Variants in SUGCT observed in about 807,000 individuals in gnomAD.
SUGCT encodes the protein succinyl-CoA:glutarate-CoA transferase.
In SUGCT, 41 loss-of-function variants were observed where a neutral mutation model predicts 55.0. The observed-to-expected ratio is 0.74, with a 90% CI of 0.58 to 0.97. SUGCT has a LOEUF of 0.97. SUGCT is among the 50% of genes least tolerant of loss of function. The pLI, the probability that SUGCT is intolerant of heterozygous loss-of-function variation, is 0.00. For synonymous variants in SUGCT, 187 were observed against 200.4 expected (o/e 0.93, Z 0.56); for missense variants, 568 against 547.8 (o/e 1.04, Z -0.37).
chr7:40,754,939 C>T (rs940182085), intron 13 of SUGCT, among the ~76,000 whole-genome samples: 1 of 152,112 alleles, frequency 6.6e-6, no homozygotes, highest in African/African-American at 2.4e-5. Flanking sequence ...GATTCATCAA[C>T]AATGCCAATG....
At chr7:40,843,721 G>C (rs1325583293) in intron 13 of SUGCT, among the ~76,000 whole-genome samples, 2 of 152,052 alleles carry the variant, frequency 1.3e-5, no homozygotes, top group Non-Finnish European at 2.9e-5. Context: ...GTGCAAGAGA[G>C]GAAGGCACAG....
rs2128776251 is a variant in SUGCT at position 40,829,837 on chromosome 7, G to C, written c.1154-30479G>C. On this transcript the variant is annotated intron_variant, in intron 13 of 13. Coordinates refer to ENST00000335693, the MANE Select transcript of SUGCT (RefSeq NM_001193313.2). Reference sequence around the variant, plus strand: ...GGCCTGCACCCTTCCCTAGCTCCAGGGCCTGCATCACATTTCCACACAGAC... The same window carrying C: ...GGCCTGCACCCTTCCCTAGCTCCAGCGCCTGCATCACATTTCCACACAGAC... Among the ~76,000 whole-genome samples the C allele has an allele frequency of 2.0e-5, 3 of 151,922 alleles. No homozygotes were observed. In the South Asian group the frequency reaches 6.3e-4, roughly 32 times the overall value.
intron 12 of SUGCT, among the ~76,000 whole-genome samples, chr7:40,541,518 G>A (rs1222743065): frequency 1.3e-5 from 2 of 152,178 alleles, no homozygotes; most frequent in African/African-American, 4.8e-5. Context: ...TGGGCAGTAA[G>A]CATTATGCAA....
At chr7:41,019,145 A>G in the SUGCT span, among the ~76,000 whole-genome samples, 2 of 152,142 alleles carry the variant, frequency 1.3e-5, no homozygotes, top group African/African-American at 4.8e-5. Context: ...ACCTCAGGTG[A>G]TCCACCTGCC....
rs144811591 is a variant in SUGCT, at chr7:40,419,931, A to G, written c.817-29356A>G. On this transcript the variant is annotated intron_variant, in intron 9 of 13. Coordinates refer to ENST00000335693, the MANE Select transcript of SUGCT (RefSeq NM_001193313.2). ...TTTTGCAGAAGTACTGTGAGGTACC[A>G]TGGATGATATGTAGCTGGCAAGTTA... Among the ~76,000 whole-genome samples, 6 of 152,350 alleles carry G rather than the reference A, an allele frequency of 3.9e-5. No individual in the cohort carries two copies. In the East Asian group the frequency reaches 9.6e-4, roughly 24 times the overall value.
chr7:40,783,687 T>C (rs1789870797), intron 13 of SUGCT: 1 of 152,122 alleles, frequency 6.6e-6, no homozygotes, highest in Admixed American at 6.6e-5. Context: ...TCCCTATGTT[T>C]TATTAAAGGA....
chr7:40,766,829 C>CT (rs1489301692), intron 13 of SUGCT, among the ~76,000 whole-genome samples: 4 of 152,140 alleles, frequency 2.6e-5, no homozygotes, highest in Non-Finnish European at 5.9e-5. Context: ...AAGTCAAATA[C>CT]TTTAAGTGTT....
At chr7:40,657,537 G>A (rs1320143153) in intron 12 of SUGCT, among the ~76,000 whole-genome samples, 6 of 151,836 alleles carry the variant, frequency 4.0e-5, no homozygotes, top group Non-Finnish European at 8.8e-5. Context: ...GTCCTACTCT[G>A]TTGCCCGGGC....
At chr7:40,749,569 A>G in intron 13 of SUGCT, 72 bp downstream of exon 13, 1 of 1,200,158 alleles carries the variant, frequency 8.3e-7, no homozygotes, top group Non-Finnish European at 1.2e-6. Flanking sequence ...TACTACAGGT[A>G]GCTTATGAGC....
At chr7:40,948,467 A>G in the SUGCT span, among the ~76,000 whole-genome samples, 1 of 143,976 alleles carries the variant, frequency 6.9e-6, no homozygotes, top group Non-Finnish European at 1.5e-5. Flanking sequence ...GATGATGATG[A>G]TGATGATGCT....
chr7:40,373,348 A>ATTCTAGAAAATTTAGAATCTATG (rs1407338747), intron 9 of SUGCT, among the ~76,000 whole-genome samples: 3 of 85,658 alleles, frequency 3.5e-5, no homozygotes, highest in African/African-American at 1.0e-4. Flanking sequence ...TAGAATCTAT[A>ATTCTAGAAAATTTAGAATCTATG]GATTCTAGAA....
intron 8 of SUGCT, among the ~76,000 whole-genome samples, chr7:40,307,352 C>G (rs1328321047): frequency 2.0e-5 from 3 of 152,138 alleles, no homozygotes; most frequent in South Asian, 2.1e-4. Context: ...AAAGGATGCT[C>G]AATCACTATT....
chr7:40,613,373 GAC>G (rs145691827), intron 12 of SUGCT, among the ~76,000 whole-genome samples: 2 of 152,280 alleles, frequency 1.3e-5, no homozygotes, highest in African/African-American at 4.8e-5. Context: ...ACTGTGTTTA[GAC>G]AGTTTATTCT....
chr7:40,946,781 G>C, the SUGCT span, among the ~76,000 whole-genome samples: 1 of 151,828 alleles, frequency 6.6e-6, no homozygotes, highest in Non-Finnish European at 1.5e-5. Flanking sequence ...CTGATTTCTG[G>C]TATCCATTTT....
intron 12 of SUGCT, among the ~76,000 whole-genome samples, chr7:40,604,980 C>T (rs191107500): frequency 6.6e-6 from 1 of 152,320 alleles, no homozygotes; most frequent in Admixed American, 6.5e-5. Flanking sequence ...CCTGCCAGCC[C>T]GCTTTGATGG....
intron 12 of SUGCT, among the ~76,000 whole-genome samples, chr7:40,671,366 A>G (rs920282880): frequency 1.2e-4 from 18 of 152,224 alleles, no homozygotes; most frequent in African/African-American, 3.9e-4. Context: ...AAGAGCATCT[A>G]CAAAGTTCTG....
intron 13 of SUGCT, among the ~76,000 whole-genome samples, chr7:40,834,241 G>A (rs1396175488): frequency 6.7e-6 from 1 of 149,078 alleles, no homozygotes; most frequent in Non-Finnish European, 1.5e-5. Context: ...GGTCCAAACT[G>A]TGATGATTCT....
intron 9 of SUGCT, among the ~76,000 whole-genome samples, chr7:40,337,636 G>T (rs923316760): frequency 2.6e-5 from 4 of 152,104 alleles, no homozygotes; most frequent in Non-Finnish European, 4.4e-5. Flanking sequence ...TTGAGTCTAT[G>T]TGTGTCTCTG....
the SUGCT span, among the ~76,000 whole-genome samples, chr7:40,941,539 C>T: frequency 6.6e-6 from 1 of 152,044 alleles, no homozygotes; most frequent in African/African-American, 2.4e-5. Flanking sequence ...AATGTATATT[C>T]TGCAGTTCTT....
Sources: allele counts gnomAD v4.1 joint callset (sites outside exome capture counted in the v4.1 genomes callset), GRCh38; gene constraint gnomAD v4.1.1; transcripts MANE v1.5; gene names NCBI Gene and HGNC (gene_info 2026-07-23, HGNC 2026-07-21).